Variants in TBC1D8 observed in about 807,000 individuals in gnomAD.
TBC1D8 encodes the protein TBC1 domain family member 8, also known as BUB2-like protein 1.
Under a neutral mutation model 118.8 loss-of-function variants are expected in TBC1D8, and 65 were observed. The ratio of observed to expected loss-of-function variants is 0.55; its 90% CI spans 0.45 to 0.67. The LOEUF is 0.67. Ranked by LOEUF, TBC1D8 falls within the 30% of genes least tolerant of loss-of-function variation. The pLI, the probability that TBC1D8 is intolerant of heterozygous loss-of-function variation, is 0.00. For missense variants in TBC1D8, 1,376 were observed against 1,471.2 expected (o/e 0.94, Z 1.06); for synonymous variants, 566 against 595.8 (o/e 0.95, Z 0.73).
intron 2 of TBC1D8, among the ~76,000 whole-genome samples, chr2:101,078,784 A>T (rs933609408): frequency 4.0e-5 from 6 of 148,532 alleles, no homozygotes; most frequent in Non-Finnish European, 7.5e-5. Context: ...AGGAACAAAT[A>T]TGGATAACTA....
At chr2:101,053,495 AG>A (rs1003622405) in intron 4 of TBC1D8, among the ~76,000 whole-genome samples, 1 of 152,266 alleles carries the variant, frequency 6.6e-6, no homozygotes, top group Non-Finnish European at 1.5e-5. Context: ...ACCCAACATG[AG>A]CACTTGAAAC....
At chr2:101,035,030 A>G (rs928117364) in intron 9 of TBC1D8, among the ~76,000 whole-genome samples, 3 of 152,070 alleles carry the variant, frequency 2.0e-5, no homozygotes, top group Non-Finnish European at 2.9e-5. Context: ...GGGGGGAGAC[A>G]GGGAAGAGGA....
chr2:101,033,345 C>G (rs1680786966), intron 10 of TBC1D8, 199 bp downstream of exon 10: 3 of 704,960 alleles, frequency 4.3e-6, no homozygotes, highest in Non-Finnish European at 7.6e-6. Flanking sequence ...GATCTCCTGA[C>G]CTCATGATCC....
At chr2:101,134,197 T>TCA (rs59427291) in intron 1 of TBC1D8, among the ~76,000 whole-genome samples, 30 of 73,568 alleles carry the variant, frequency 4.1e-4, no homozygotes, top group Admixed American at 9.3e-4. Flanking sequence ...TCTCTCTCTC[T>TCA]CACACACACA....
chr2:101,045,310 G>A (rs533043377), intron 5 of TBC1D8, among the ~76,000 whole-genome samples: 5 of 152,008 alleles, frequency 3.3e-5, no homozygotes, highest in Non-Finnish European at 5.9e-5. Context: ...TCCTACTTTC[G>A]GTAAAGATGT....
chr2:101,029,896 C>A (rs966796015), intron 11 of TBC1D8, 120 bp from the exon 12 acceptor site: 16 of 1,065,108 alleles, frequency 1.5e-5, no homozygotes, highest in African/African-American at 1.3e-4. Context: ...TCCAGAAAAG[C>A]GTCCATGCTT....
At chr2:101,059,622 T>C (rs1682645386) in intron 2 of TBC1D8, 83 bp from the exon 3 acceptor site, 2 of 1,195,154 alleles carry the variant, frequency 1.7e-6, no homozygotes, top group Non-Finnish European at 1.2e-6. Context: ...TTCCAAATAT[T>C]GTGTATCCCC....
At chr2:101,139,102 T>C (rs891646945) in intron 1 of TBC1D8, among the ~76,000 whole-genome samples, 1 of 152,064 alleles carries the variant, frequency 6.6e-6, no homozygotes, top group African/African-American at 2.4e-5. Flanking sequence ...TTTTTTTCAG[T>C]AGTGAGTACT....
intron 1 of TBC1D8, among the ~76,000 whole-genome samples, chr2:101,131,069 T>G (rs955563334): frequency 2.0e-5 from 3 of 152,262 alleles, no homozygotes; most frequent in Non-Finnish European, 2.9e-5. Context: ...TTTATTTATT[T>G]ATTTATTTAT....
chr2:101,079,364 G>GT (rs1268018047), intron 2 of TBC1D8, among the ~76,000 whole-genome samples: 1 of 152,070 alleles, frequency 6.6e-6, no homozygotes, highest in Non-Finnish European at 1.5e-5. Context: ...TTAAAAATTG[G>GT]TTTTTTGTTT....
intron 2 of TBC1D8, among the ~76,000 whole-genome samples, chr2:101,071,604 T>C (rs1050077630): frequency 6.6e-6 from 1 of 152,184 alleles, no homozygotes; most frequent in Non-Finnish European, 1.5e-5. Context: ...ATTTTAGAAA[T>C]TTAACCCAGG....
At chr2:101,078,188 C>T (rs1674970722) in intron 2 of TBC1D8, among the ~76,000 whole-genome samples, 1 of 152,190 alleles carries the variant, frequency 6.6e-6, no homozygotes, top group East Asian at 1.9e-4. Context: ...TAACACAACT[C>T]CAGTCTTCCG....
At chr2:101,057,140 A>G (rs1367138479) in intron 3 of TBC1D8, among the ~76,000 whole-genome samples, 1 of 152,200 alleles carries the variant, frequency 6.6e-6, no homozygotes, top group Non-Finnish European at 1.5e-5. Flanking sequence ...AGAAACCACA[A>G]ACACCAAAAA....
Position 101,029,688 on chromosome 2 carries a change from C to T in TBC1D8, c.2025G>A (p.Leu675=), listed in dbSNP as rs1385002581. The change falls in exon 12 of 20, where the codon CTG becomes CTA. Residue 675 remains leucine (L), a synonymous_variant. Coordinates refer to ENST00000409318, the MANE Select transcript of TBC1D8 (RefSeq NM_001330348.2). ...LAEHMNDLSA[L]ASVSLSWFLT... is the part of the protein sequence containing the mutation. Reference sequence around the variant, plus strand: ...GGAACCACGAGAGAGAGACGGACGCCAGGGCTGAGAGGTCGTTCATGTGCT... The same window carrying T: ...GGAACCACGAGAGAGAGACGGACGCTAGGGCTGAGAGGTCGTTCATGTGCT... 9.3e-6 allele frequency: 15 copies of T among 1,613,956 alleles called. No individual in the cohort carries two copies. Among genetic ancestry groups the T allele is most frequent in the Non-Finnish European group, 1.3e-5 (15 of 1,179,876 alleles).
In TBC1D8 at chr2:101,029,670, C is replaced by T. The variant is rs117957518; in HGVS notation, c.2043G>A (p.Ser681=). ...TGCTGAGGAACAGGGTCAGGAACCACGAGAGAGAGACGGACGCCAGGGCTG... is the reference window on the plus strand; with the variant it reads ...TGCTGAGGAACAGGGTCAGGAACCATGAGAGAGAGACGGACGCCAGGGCTG... The part of the protein sequence containing the change: ...DLSALASVSL[S]WFLTLFLSIM... Residue 681 remains serine (S), a synonymous_variant, in exon 12 of 20, where the codon TCG becomes TCA. Coordinates refer to ENST00000409318, the MANE Select transcript of TBC1D8 (RefSeq NM_001330348.2). 2.2e-4 allele frequency: 357 copies of T among 1,613,984 alleles called. No individual in the cohort carries two copies. In the East Asian group the frequency reaches 5.7e-3, roughly 26 times the overall value.
chr2:101,115,853 G>T (rs1383490923), intron 1 of TBC1D8, among the ~76,000 whole-genome samples: 1 of 152,072 alleles, frequency 6.6e-6, no homozygotes. Context: ...TCACCACCAG[G>T]GCCCCAGACA....
At chr2:101,146,756 T>C (rs908107477) in intron 1 of TBC1D8, among the ~76,000 whole-genome samples, 1 of 152,172 alleles carries the variant, frequency 6.6e-6, no homozygotes, top group African/African-American at 2.4e-5. Context: ...TCATAGCTAT[T>C]CTGTAATACA....
intron 2 of TBC1D8, among the ~76,000 whole-genome samples, chr2:101,073,638 A>G (rs188312128): frequency 6.6e-6 from 1 of 152,294 alleles, no homozygotes; most frequent in Admixed American, 6.5e-5. Context: ...GGCAACCTTC[A>G]TCAACGAGCT....
chr2:101,025,767 G>A (rs1279138744), intron 15 of TBC1D8, among the ~76,000 whole-genome samples: 1 of 152,210 alleles, frequency 6.6e-6, no homozygotes, highest in African/African-American at 2.4e-5. Context: ...GAACGCGTTT[G>A]TGGAATACAC....
Sources: allele counts gnomAD v4.1 joint callset (sites outside exome capture counted in the v4.1 genomes callset), GRCh38; gene constraint gnomAD v4.1.1; transcripts MANE v1.5; gene names NCBI Gene and HGNC (gene_info 2026-07-23, HGNC 2026-07-21).